Variants in DGCR8 observed in about 807,000 individuals in gnomAD.
DGCR8 encodes DGCR8 microprocessor complex subunit.
A neutral mutation model predicts 78.5 loss-of-function variants in DGCR8; 14 were observed. The observed-to-expected ratio is 0.18, with a 90% CI of 0.12 to 0.28. The LOEUF is 0.28. Among genes scored for constraint, DGCR8 ranks in the 10% least tolerant of loss-of-function variants. The pLI, the probability that DGCR8 is intolerant of heterozygous loss-of-function variation, is 1.00. For missense variants in DGCR8, 702 were observed against 1,022.5 expected (o/e 0.69, Z 4.28); for synonymous variants, 399 against 402.4 (o/e 0.99, Z 0.10).
chr22:20,107,089 G>T (rs1362588956), intron 11 of DGCR8, 182 bp from the exon 12 acceptor site: 20 of 649,462 alleles, frequency 3.1e-5, no homozygotes, highest in Non-Finnish European at 5.1e-5. Flanking sequence ...ACTCTCTCAA[G>T]GTGGCAGCTG....
chr22:20,098,064 T>C (rs2049650985), intron 9 of DGCR8, among the ~76,000 whole-genome samples: 1 of 149,610 alleles, frequency 6.7e-6, no homozygotes, highest in African/African-American at 2.5e-5. Flanking sequence ...GAGGTGGAGG[T>C]TGCAGTGAGC....
chr22:20,102,070 C>T (rs2049708892), intron 9 of DGCR8: 15 of 980,648 alleles, frequency 1.5e-5, no homozygotes, highest in Non-Finnish European at 1.8e-5. Context: ...TATTAGTGAC[C>T]AAGTGTTTTC....
chr22:20,093,785 C>T (rs1161679703), intron 8 of DGCR8, among the ~76,000 whole-genome samples: 2 of 152,250 alleles, frequency 1.3e-5, no homozygotes, highest in Non-Finnish European at 2.9e-5. Flanking sequence ...TCATGCCCTG[C>T]ATTCGTGGTA....
intron 9 of DGCR8, among the ~76,000 whole-genome samples, chr22:20,098,626 C>CT (rs1254003483): frequency 6.6e-6 from 1 of 152,142 alleles, no homozygotes; most frequent in Non-Finnish European, 1.5e-5. Context: ...GACTGGGAGG[C>CT]TTAAATGACA....
intron 1 of DGCR8, among the ~76,000 whole-genome samples, chr22:20,081,434 A>C (rs2049417178): frequency 6.6e-6 from 1 of 152,186 alleles, no homozygotes; most frequent in Non-Finnish European, 1.5e-5. Flanking sequence ...CAGGGTTTGC[A>C]TGCGGTGTTT....
chr22:20,102,051 AAATTTAGGTATTAGTGACC>A, intron 9 of DGCR8: 1 of 984,836 alleles, frequency 1.0e-6, no homozygotes, highest in Non-Finnish European at 1.2e-6. Flanking sequence ...CATGGCTATT[AAATTTAGGTATTAGTGACC>A]AAGTGTTTTC....
chr22:20,081,471 A>G (rs900088517), intron 1 of DGCR8, among the ~76,000 whole-genome samples: 1 of 152,202 alleles, frequency 6.6e-6, no homozygotes, highest in Admixed American at 6.5e-5. Context: ...GGGGAGGCCT[A>G]CGGGCAGAGA....
At chr22:20,096,228 AT>A (rs1301703141) in intron 9 of DGCR8, among the ~76,000 whole-genome samples, 3 of 152,134 alleles carry the variant, frequency 2.0e-5, no homozygotes, top group African/African-American at 7.2e-5. Context: ...GAGAAAATTT[AT>A]TTACTGTTCT....
At chr22:20,100,129 C>T (rs748882566) in intron 9 of DGCR8, among the ~76,000 whole-genome samples, 1 of 151,936 alleles carries the variant, frequency 6.6e-6, no homozygotes, top group Non-Finnish European at 1.5e-5. Flanking sequence ...TGCAGTGGTT[C>T]GATCTCTGCT....
chr22:20,094,905 C>A, intron 9 of DGCR8, 110 bp downstream of exon 9: 1 of 898,390 alleles, frequency 1.1e-6, no homozygotes. Flanking sequence ...CTTCCATGCC[C>A]TGTAGGTTAG....
intron 9 of DGCR8, among the ~76,000 whole-genome samples, chr22:20,104,787 C>T (rs1020244217): frequency 6.6e-6 from 1 of 152,216 alleles, no homozygotes; most frequent in African/African-American, 2.4e-5. Context: ...AACCTCAGGG[C>T]TAGTGCCTTC....
intron 5 of DGCR8, 113 bp downstream of exon 5, chr22:20,090,371 T>G (rs758075318): frequency 3.2e-5 from 40 of 1,250,170 alleles, no homozygotes; most frequent in Non-Finnish European, 4.4e-5. Flanking sequence ...AGCAAGGGGC[T>G]GTGCACCTCC....
rs755429057 is a variant in DGCR8 at position 20,111,835 on chromosome 22, C to T, written c.*1727C>T. 1.3e-4 allele frequency: 25 copies of T among 189,770 alleles called. No individual in the cohort carries two copies. The highest frequency in any genetic ancestry group is 2.5e-4 in the Admixed American group (4 of 16,290). The allele number at this position is 189,770 out of a possible 1,614,324, so 11.8% of individuals were successfully genotyped here. On this transcript the variant is annotated 3_prime_UTR_variant, in exon 14 of 14. Transcript: ENST00000351989. ...CACTGGGCTGTGCCTGGAAGGCGAGCCTTGATTGTCTGAACACATAAAGCA... is the reference window on the plus strand; with the variant it reads ...CACTGGGCTGTGCCTGGAAGGCGAGTCTTGATTGTCTGAACACATAAAGCA...
rs763168480 is a variant in DGCR8, at chr22:20,086,404, G to A, written c.441G>A (p.Glu147=). The A allele has an allele frequency of 6.2e-6, 10 of 1,614,032 alleles. No homozygotes were observed. The South Asian group carries it at 8.8e-5, about 14-fold the overall frequency. Residue 147 remains glutamate, a synonymous_variant, in exon 2 of 14, where the codon GAG becomes GAA. Coordinates refer to ENST00000351989, the MANE Select transcript of DGCR8 (RefSeq NM_022720.7). The surrounding 1 kb of genome is among the most constrained non-coding windows in gnomAD (Gnocchi z 6.4). ...GAGCAGAGCGCGACGTGCGGGCGGA[G>A]TGCGGTCTGCTCCTTAGCCCTGTCA... ...YTGAERDVRA[E]CGLLLSPVSG... is the part of the protein sequence containing the mutation.
Position 20,111,674 on chromosome 22 carries a change from C to T in DGCR8, c.*1566C>T, listed in dbSNP as rs1202251307. On this transcript the variant is annotated 3_prime_UTR_variant, in exon 14 of 14. Coordinates refer to ENST00000351989, the MANE Select transcript of DGCR8 (RefSeq NM_022720.7). ...TTGCTGTTCCCAGGCACCACCACAG[C>T]AGGTGCTGCCATACTCTTGTGGTCT... 1 of 300,836 alleles carries T rather than the reference C, an allele frequency of 3.3e-6. No homozygotes were observed. Among genetic ancestry groups the T allele is most frequent in the Non-Finnish European group, 6.1e-6 (1 of 164,362 alleles). The allele number at this position is 300,836 out of a possible 1,614,324, so 18.6% of individuals were successfully genotyped here.
At chr22:20,109,418 T>C (rs1040626183) in intron 13 of DGCR8, among the ~76,000 whole-genome samples, 1 of 151,916 alleles carries the variant, frequency 6.6e-6, no homozygotes, top group Non-Finnish European at 1.5e-5. Flanking sequence ...GTGTCTTCTG[T>C]CTTCAGGCAT....
intron 11 of DGCR8, 127 bp downstream of exon 11, chr22:20,106,825 C>G (rs902184133): frequency 1.4e-6 from 1 of 704,342 alleles, no homozygotes; most frequent in African/African-American, 1.8e-5. Flanking sequence ...TGTGTGCTGG[C>G]CACCACACGT....
chr22:20,089,031 C>T lies in DGCR8; in HGVS notation c.881-638C>T, dbSNP rs911084498. On this transcript the variant is annotated intron_variant, in intron 3 of 13. Coordinates refer to ENST00000351989, the MANE Select transcript of DGCR8 (RefSeq NM_022720.7). The surrounding 1 kb of genome is among the most constrained non-coding windows in gnomAD (Gnocchi z 4.9). ...CTAAGTTTTTAACTTGTTCCCAATA[C>T]CTGTGAGAAAATTAAGTTTTAGTTA... 6.6e-6 allele frequency among the ~76,000 whole-genome samples: 1 copy of T among 152,178 alleles called. No homozygotes were observed. The highest frequency in any genetic ancestry group is 6.5e-5 in the Admixed American group (1 of 15,280).
chr22:20,100,708 GAGAA>G (rs1207235418), intron 9 of DGCR8: 1 of 985,444 alleles, frequency 1.0e-6, no homozygotes, highest in Non-Finnish European at 1.2e-6. Context: ...AAAGTAGTCT[GAGAA>G]AGAAGAGGTT....
Sources: gnomAD v4.1 joint callset for allele counts (sites outside exome capture counted in the v4.1 genomes callset) on GRCh38, gnomAD v4.1.1 for gene constraint, Gnocchi (gnomAD v3.1) non-coding constraint, MANE v1.5 for transcripts, NCBI Gene and HGNC (gene_info 2026-07-23, HGNC 2026-07-21) for gene names.